The following ADAMTS9 variants were observed in gnomAD, a reference collection of about 807,000 sequenced individuals.
The protein encoded by ADAMTS9 is A disintegrin and metalloproteinase with thrombospondin motifs 9.
Under a neutral mutation model 257.1 loss-of-function variants are expected in ADAMTS9, and 107 were observed. That is an observed-to-expected ratio of 0.42 (90% confidence interval 0.36 to 0.49). The LOEUF is 0.49. ADAMTS9 is among the 20% of genes least tolerant of loss of function. The pLI, the probability that ADAMTS9 is intolerant of heterozygous loss-of-function variation, is 0.03. For missense variants in ADAMTS9, 2,353 were observed against 2,469.1 expected, an observed-to-expected ratio of 0.95 and a Z score of 1.00; for synonymous variants, 982 against 880.9, an observed-to-expected ratio of 1.11 and a Z score of -2.03.
At chr3:64,607,179 G>C in intron 22 of ADAMTS9, 100 bp from the exon 23 acceptor site, 1 of 1,504,702 alleles carries the variant, frequency 6.6e-7, no homozygotes, top group South Asian at 1.3e-5. Flanking sequence ...TTCCATCACA[G>C]TAGGCCAGAG....
In ADAMTS9 at chr3:64,540,478, T is replaced by C. The variant is rs1575994438; in HGVS notation, c.5521+617A>G. 2.0e-5 allele frequency among the ~76,000 whole-genome samples: 3 copies of C among 152,236 alleles called. No homozygotes were observed. In the East Asian group the frequency reaches 5.8e-4, roughly 29 times the overall value. On this transcript the variant is annotated intron_variant, in intron 36 of 39. Transcript: ENST00000498707. ...ACACAGGCTAGTTTAGAAAAGGTAA[T>C]TCTGTGTTCCATTTTTCTTCTGCAC...
intron 11 of ADAMTS9, among the ~76,000 whole-genome samples, chr3:64,647,012 A>G (rs1700810801): frequency 6.6e-6 from 1 of 152,168 alleles, no homozygotes; most frequent in South Asian, 2.1e-4. Context: ...GGTGCTACCA[A>G]TTCTATAAGG....
chr3:64,560,695 C>A (rs2106643387), intron 30 of ADAMTS9, among the ~76,000 whole-genome samples: 1 of 152,252 alleles, frequency 6.6e-6, no homozygotes, highest in South Asian at 2.1e-4. Flanking sequence ...AAGTACCCAG[C>A]ACAGTGCCAG....
chr3:64,649,344 G>T (rs373395541), intron 10 of ADAMTS9, among the ~76,000 whole-genome samples: 1 of 152,138 alleles, frequency 6.6e-6, no homozygotes, highest in Non-Finnish European at 1.5e-5. Flanking sequence ...TCCCAACTCC[G>T]TAACCTTGCT....
At chr3:64,601,012 C>A (rs553450311) in intron 26 of ADAMTS9, among the ~76,000 whole-genome samples, 4 of 152,240 alleles carry the variant, frequency 2.6e-5, no homozygotes, top group East Asian at 1.9e-4. Context: ...TTAAAACCCT[C>A]CCCCTCCTGC....
At chr3:64,637,754 A>G (rs1029865689) in intron 12 of ADAMTS9, among the ~76,000 whole-genome samples, 1 of 152,250 alleles carries the variant, frequency 6.6e-6, no homozygotes, top group Non-Finnish European at 1.5e-5. Flanking sequence ...AAGGGGCCTG[A>G]TGGCCAATTA....
At chr3:64,652,672 G>C (rs1374153012) in intron 8 of ADAMTS9, among the ~76,000 whole-genome samples, 2 of 152,114 alleles carry the variant, frequency 1.3e-5, no homozygotes, top group Non-Finnish European at 2.9e-5. Context: ...AATAATAAAT[G>C]CTTATTGGAC....
Position 64,561,821 on chromosome 3 carries a change from G to A in ADAMTS9, c.4525-70C>T, listed in dbSNP as rs1576020671. The A allele has an allele frequency of 7.2e-6, 10 of 1,397,366 alleles. No homozygotes were observed. The East Asian group carries it at 1.6e-4, about 23-fold the overall frequency. The allele number at this position is 1,397,366 out of a possible 1,614,324, so 86.6% of individuals were successfully genotyped here. A position where few individuals can be genotyped will look rare whatever the true frequency, so the allele number is the denominator to read the frequency against. On this transcript the variant is annotated intron_variant, in intron 29 of 39. Transcript: ENST00000498707. ...TTTTGGGGGGGCGGGGGGTGTCGAGGGTCACAGAGGAGGGGAATGCACTCC... is the reference window on the plus strand; with the variant it reads ...TTTTGGGGGGGCGGGGGGTGTCGAGAGTCACAGAGGAGGGGAATGCACTCC...
chr3:64,620,454 G>T (rs939087690), intron 19 of ADAMTS9, among the ~76,000 whole-genome samples: 3 of 152,060 alleles, frequency 2.0e-5, no homozygotes, highest in African/African-American at 7.2e-5. Context: ...CACCTTAACT[G>T]CATTTAACTG....
chr3:64,666,176 A>G (rs1242247207), intron 3 of ADAMTS9, among the ~76,000 whole-genome samples: 1 of 152,208 alleles, frequency 6.6e-6, no homozygotes. Context: ...TTCACGTTGC[A>G]ATACAATAAA....
chr3:64,538,409 T>C lies in ADAMTS9; in HGVS notation c.5613+794A>G, dbSNP rs956480609. Reference sequence around the variant, plus strand: ...GATCTCCCCGTCCAACTTTTATTTATTTTTTTAAAAATTGGTTTCATGCTT... The same window carrying C: ...GATCTCCCCGTCCAACTTTTATTTACTTTTTTAAAAATTGGTTTCATGCTT... On this transcript the variant is annotated intron_variant, in intron 37 of 39. Transcript: ENST00000498707. 2.6e-5 allele frequency among the ~76,000 whole-genome samples: 4 copies of C among 152,124 alleles called. No individual in the cohort carries two copies. The East Asian group carries it at 7.8e-4, about 29-fold the overall frequency.
At chr3:64,657,365 C>T (rs144567235) in intron 4 of ADAMTS9, among the ~76,000 whole-genome samples, 1 of 152,104 alleles carries the variant, frequency 6.6e-6, no homozygotes, top group Non-Finnish European at 1.5e-5. Flanking sequence ...GAGGCAGGGT[C>T]TCACTCTGTC....
chr3:64,610,903 C>T (rs1272642328), intron 22 of ADAMTS9, among the ~76,000 whole-genome samples: 1 of 151,436 alleles, frequency 6.6e-6, no homozygotes, highest in Non-Finnish European at 1.5e-5. Flanking sequence ...GGTGAAACCC[C>T]GTCTCTACTA....
intron 37 of ADAMTS9, among the ~76,000 whole-genome samples, chr3:64,535,689 G>A (rs939881553): frequency 6.6e-6 from 1 of 151,600 alleles, no homozygotes; most frequent in African/African-American, 2.4e-5. Context: ...GAGTAGCTGG[G>A]ACTACAGGTG....
Position 64,565,122 on chromosome 3 carries a change from A to G in ADAMTS9, c.4524+3246T>C, listed in dbSNP as rs535747591. Among the ~76,000 whole-genome samples the G allele has an allele frequency of 3.9e-5, 6 of 152,272 alleles. No individual in the cohort carries two copies. The South Asian group carries it at 1.2e-3, about 32-fold the overall frequency. ...ATAAATGGAAAGCACAAAATACTAA[A>G]GCAACTCTAGTTCTCCTCACTGACC... On this transcript the variant is annotated intron_variant, in intron 29 of 39. Coordinates refer to ENST00000498707, the MANE Select transcript of ADAMTS9 (RefSeq NM_182920.2).
intron 37 of ADAMTS9, among the ~76,000 whole-genome samples, chr3:64,535,253 C>T (rs2083035084): frequency 6.6e-6 from 1 of 152,044 alleles, no homozygotes; most frequent in South Asian, 2.1e-4. Flanking sequence ...GTGGTGTGTG[C>T]CTGTAATCCC....
At chr3:64,615,282 A>C in intron 21 of ADAMTS9, 39 bp downstream of exon 21, 3 of 1,601,134 alleles carry the variant, frequency 1.9e-6, no homozygotes, top group African/African-American at 1.3e-5. Context: ...CTAGAATGTA[A>C]GAGATGACCT....
intron 16 of ADAMTS9, among the ~76,000 whole-genome samples, chr3:64,629,278 C>G (rs974482750): frequency 2.6e-5 from 4 of 152,136 alleles, no homozygotes; most frequent in African/African-American, 7.2e-5. Flanking sequence ...CCAGAGTGCT[C>G]CTTTAAAAAC....
intron 29 of ADAMTS9, among the ~76,000 whole-genome samples, chr3:64,564,933 C>T (rs938162828): frequency 2.0e-5 from 3 of 152,140 alleles, no homozygotes; most frequent in Non-Finnish European, 4.4e-5. Flanking sequence ...TAAAATTTGT[C>T]TTAGACAAGG....
Sources: allele counts gnomAD v4.1 joint callset (sites outside exome capture counted in the v4.1 genomes callset), GRCh38; gene constraint gnomAD v4.1.1; transcripts MANE v1.5; gene names NCBI Gene and HGNC (gene_info 2026-07-23, HGNC 2026-07-21).